LRRK1: variants seen among roughly 807,000 people sequenced by gnomAD.
LRRK1 encodes leucine rich repeat kinase 1, also known as leucine-rich repeat serine/threonine-protein kinase 1.
In LRRK1, 113 loss-of-function variants were observed where a neutral mutation model predicts 209.1. That is an observed-to-expected ratio of 0.54 (90% CI 0.46 to 0.63). The LOEUF (loss-of-function observed/expected upper bound fraction) is 0.63, where lower values mean the gene tolerates loss of function less well. LRRK1 is among the 30% of genes least tolerant of loss of function. LRRK1 has a pLI of 0.00. For synonymous variants in LRRK1, 1,144 were observed against 1,099.7 expected (o/e 1.04, Z -0.80); for missense variants, 2,284 against 2,632.2 (o/e 0.87, Z 2.89).
chr15:100,946,018 A>T (rs1241777640), intron 2 of LRRK1, among the ~76,000 whole-genome samples: 2 of 152,250 alleles, frequency 1.3e-5, no homozygotes, highest in Non-Finnish European at 2.9e-5. Flanking sequence ...GAATATGTTA[A>T]ATATAAAATA....
At chr15:101,066,379 C>CT (rs1372830689) in intron 32 of LRRK1, among the ~76,000 whole-genome samples, 174 bp downstream of exon 32, 1 of 152,228 alleles carries the variant, frequency 6.6e-6, no homozygotes, top group Non-Finnish European at 1.5e-5. Context: ...TTTAGCAAAT[C>CT]TAAGAGTGGC....
intron 2 of LRRK1, among the ~76,000 whole-genome samples, chr15:100,942,177 A>T (rs533414954): frequency 2.6e-5 from 4 of 152,166 alleles, no homozygotes; most frequent in Non-Finnish European, 5.9e-5. Flanking sequence ...TGCAGGAAAT[A>T]CTGAGTGAGA....
intron 2 of LRRK1, among the ~76,000 whole-genome samples, chr15:100,929,228 G>A (rs777667529): frequency 4.6e-5 from 7 of 152,056 alleles, no homozygotes; most frequent in South Asian, 2.1e-4. Context: ...TCTGGATTGC[G>A]GAGGGTGGGT....
At chr15:100,936,720 A>G (rs1003057311) in intron 2 of LRRK1, among the ~76,000 whole-genome samples, 1 of 152,210 alleles carries the variant, frequency 6.6e-6, no homozygotes, top group African/African-American at 2.4e-5. Flanking sequence ...GCAGTCCTCT[A>G]TGATGAGCCA....
intron 33 of LRRK1, chr15:101,067,135 A>G (rs2036576074): frequency 5.0e-6 from 2 of 402,162 alleles, no homozygotes; most frequent in Non-Finnish European, 1.0e-5. Flanking sequence ...CTATGGGGAC[A>G]GATGACACAG....
intron 6 of LRRK1, among the ~76,000 whole-genome samples, chr15:100,990,264 G>C (rs894019916): frequency 2.6e-5 from 4 of 152,020 alleles, no homozygotes; most frequent in Admixed American, 6.6e-5. Flanking sequence ...TTTTAGGGAC[G>C]TTCTTTAAAT....
chr15:101,013,883 G>A (rs2033405214), intron 10 of LRRK1, among the ~76,000 whole-genome samples: 1 of 152,124 alleles, frequency 6.6e-6, no homozygotes, highest in South Asian at 2.1e-4. Flanking sequence ...GGCTGGCCCA[G>A]GAGGCCACCC....
At chr15:101,000,937 A>G (rs895664089) in intron 6 of LRRK1, among the ~76,000 whole-genome samples, 19 of 152,190 alleles carry the variant, frequency 1.2e-4, no homozygotes, top group African/African-American at 4.6e-4. Flanking sequence ...TCCACCTGCC[A>G]TGGGCCACCT....
chr15:101,028,013 G>A (rs368774375), intron 19 of LRRK1, among the ~76,000 whole-genome samples: 1 of 152,128 alleles, frequency 6.6e-6, no homozygotes, highest in Admixed American at 6.5e-5. Flanking sequence ...TGTTTGCCAC[G>A]AGGACAGACA....
At chr15:101,065,237 G>A (rs1407919792) in intron 31 of LRRK1, 115 bp from the exon 32 acceptor site, 19 of 1,300,372 alleles carry the variant, frequency 1.5e-5, no homozygotes, top group Non-Finnish European at 1.8e-5. Context: ...AGGCGCACTG[G>A]TGGAAAGTGA....
intron 1 of LRRK1, among the ~76,000 whole-genome samples, chr15:100,923,395 A>T (rs536022719): frequency 6.6e-6 from 1 of 152,200 alleles, no homozygotes; most frequent in East Asian, 1.9e-4. Context: ...ACCTTGATTT[A>T]AAAAATATAT....
chr15:100,945,902 G>T (rs2042532161), intron 2 of LRRK1, among the ~76,000 whole-genome samples: 1 of 152,110 alleles, frequency 6.6e-6, no homozygotes, highest in African/African-American at 2.4e-5. Context: ...ATAATTAGAT[G>T]CTCTATCAAG....
chr15:100,924,637 C>G lies in LRRK1; in HGVS notation c.5C>G (p.Ala2Gly). 4 of 1,614,100 alleles carry G rather than the reference C, an allele frequency of 2.5e-6. No individual in the cohort carries two copies. Among genetic ancestry groups the G allele is most frequent in the Non-Finnish European group, 2.5e-6 (3 of 1,179,982 alleles). The change falls in exon 2 of 34, where the codon GCT becomes GGT. Residue 2 changes from alanine (A) to glycine (G), a missense_variant. Ala to Gly is a moderately conservative substitution (Grantham distance 60). Transcript: ENST00000388948. ...GATCGGCTGCTGCAAGGGTTGATGGCTGGCATGTCGCAAAGACCCCCCAGC... is the reference window on the plus strand; with the variant it reads ...GATCGGCTGCTGCAAGGGTTGATGGGTGGCATGTCGCAAAGACCCCCCAGC... M[A>G]GMSQRPPSMY...
At chr15:100,961,381 G>A (rs370446219) in intron 2 of LRRK1, among the ~76,000 whole-genome samples, 18 of 152,258 alleles carry the variant, frequency 1.2e-4, no homozygotes, top group African/African-American at 3.6e-4. Context: ...GTGGCTGGGC[G>A]CGGTGGCTCA....
intron 2 of LRRK1, among the ~76,000 whole-genome samples, chr15:100,929,320 C>T (rs1332120041): frequency 1.3e-5 from 2 of 152,162 alleles, no homozygotes; most frequent in African/African-American, 4.8e-5. Flanking sequence ...CCTGAAAGCC[C>T]TGCCACAGTC....
Position 100,944,556 on chromosome 15 carries a change from G to T in LRRK1, c.97+19827G>T, listed in dbSNP as rs367657665. On this transcript the variant is annotated intron_variant, in intron 2 of 33. Coordinates refer to ENST00000388948, the MANE Select transcript of LRRK1 (RefSeq NM_024652.6). ...GTTCACCTCAAATCCTCACATGATA[G>T]ACACCAGCCTACAATTCTACCAGCT... Among the ~76,000 whole-genome samples, 164 of 152,292 alleles carry T rather than the reference G, an allele frequency of 1.1e-3. 3 individuals are homozygous for T. The highest frequency in any genetic ancestry group is 3.9e-3 in the African/African-American group (161 of 41,560).
intron 2 of LRRK1, among the ~76,000 whole-genome samples, chr15:100,973,177 G>A (rs951212444): frequency 3.3e-5 from 5 of 152,160 alleles, no homozygotes; most frequent in Non-Finnish European, 5.9e-5. Context: ...CCTCCCGCAA[G>A]GCTGGCCTCT....
At chr15:100,941,222 CTGTGTGTGTG>C in intron 2 of LRRK1, among the ~76,000 whole-genome samples, 1 of 131,226 alleles carries the variant, frequency 7.6e-6, no homozygotes, top group Non-Finnish European at 1.6e-5. Context: ...CTGTATGTGT[CTGTGTGTGTG>C]TCTGTGTGTG....
chr15:100,995,247 G>A (rs749601942), intron 6 of LRRK1, among the ~76,000 whole-genome samples: 46 of 152,172 alleles, frequency 3.0e-4, no homozygotes, highest in Non-Finnish European at 4.3e-4. Context: ...TAATTGCTGC[G>A]TGTGTGGAAG....
Sources: gnomAD v4.1 joint callset for allele counts (sites outside exome capture counted in the v4.1 genomes callset) on GRCh38, gnomAD v4.1.1 for gene constraint, MANE v1.5 for transcripts, NCBI Gene and HGNC (gene_info 2026-07-23, HGNC 2026-07-21) for gene names.